The following TEKT5 variants were observed in gnomAD, a reference collection of about 807,000 sequenced individuals.
TEKT5 encodes tektin-5.
Under a neutral mutation model 48.7 loss-of-function variants are expected in TEKT5, and 52 were observed. The observed-to-expected ratio is 1.07, with a 90% CI of 0.86 to 1.35. The LOEUF (loss-of-function observed/expected upper bound fraction) is 1.35, where lower values mean the gene tolerates loss of function less well. TEKT5 is among the 40% of genes most tolerant of loss of function. The probability of loss-of-function intolerance (pLI) is 0.00; values close to 1 mark genes in which losing one functional copy is unlikely to be tolerated. For missense variants in TEKT5, 831 were observed against 641.6 expected (o/e 1.30, Z -3.19); for synonymous variants, 318 against 267.6 (o/e 1.19, Z -1.84).
chr16:10,642,416 T>G (rs140023663), intron 5 of TEKT5, among the ~76,000 whole-genome samples: 241 of 152,198 alleles, frequency 1.6e-3, no homozygotes, highest in Admixed American at 3.9e-3. Flanking sequence ...ACTGAAATGA[T>G]CCTCATTAGC....
intron 5 of TEKT5, among the ~76,000 whole-genome samples, chr16:10,646,607 A>G (rs1303320941): frequency 6.6e-6 from 1 of 152,152 alleles, no homozygotes; most frequent in Non-Finnish European, 1.5e-5. Context: ...TTTTTTTTCA[A>G]AGAATCAAAG....
At chr16:10,690,687 T>C (rs1898956841) in intron 1 of TEKT5, 1 of 985,320 alleles carries the variant, frequency 1.0e-6, no homozygotes, top group Non-Finnish European at 1.2e-6. Context: ...CACCTAGCCC[T>C]GGGCCTTACA....
chr16:10,679,339 C>T (rs902315134), intron 4 of TEKT5, among the ~76,000 whole-genome samples: 3 of 151,924 alleles, frequency 2.0e-5, no homozygotes, highest in African/African-American at 7.3e-5. Flanking sequence ...TGCCTGCAGT[C>T]CCAGCTACTC....
chr16:10,665,735 C>G (rs1463302298), intron 5 of TEKT5, among the ~76,000 whole-genome samples: 1 of 152,212 alleles, frequency 6.6e-6, no homozygotes, highest in African/African-American at 2.4e-5. Context: ...ACACACCACC[C>G]ACGTACTATG....
chr16:10,641,759 C>T (rs968969501), intron 5 of TEKT5, among the ~76,000 whole-genome samples: 1 of 152,162 alleles, frequency 6.6e-6, no homozygotes, highest in Non-Finnish European at 1.5e-5. Flanking sequence ...GAGGTTGAGG[C>T]TGCAGTGAAC....
chr16:10,692,338 T>G (rs1309098049), intron 1 of TEKT5, among the ~76,000 whole-genome samples: 2 of 152,056 alleles, frequency 1.3e-5, no homozygotes, highest in Admixed American at 6.5e-5. Flanking sequence ...TTCCATGGAT[T>G]TGGACATCCT....
At position 10,645,057 on chromosome 16, in the gene TEKT5, T is replaced by A. The variant is rs545140895; in HGVS notation, c.1087-9139A>T. 2.0e-5 allele frequency among the ~76,000 whole-genome samples: 3 copies of A among 152,302 alleles called. No individual in the cohort carries two copies. The South Asian group carries it at 6.2e-4, about 32-fold the overall frequency. ...GAGGGCCCTCACCAGAACCCGATCA[T>A]GCTGGCACCCTGACCTTGGACTTTT... On this transcript the variant is annotated intron_variant, in intron 5 of 6. Coordinates refer to ENST00000283025, the MANE Select transcript of TEKT5 (RefSeq NM_144674.2).
At chr16:10,662,190 C>T (rs2253910) in intron 5 of TEKT5, among the ~76,000 whole-genome samples, 65,337 of 151,826 alleles carry the variant, frequency 0.43, 14,775 homozygotes, top group East Asian at 0.64. Context: ...CACTGGATGC[C>T]AATCATCAGT....
At chr16:10,628,539 G>A (rs1452043632) in intron 6 of TEKT5, among the ~76,000 whole-genome samples, 1 of 152,212 alleles carries the variant, frequency 6.6e-6, no homozygotes, top group Non-Finnish European at 1.5e-5. Context: ...AATGTCTGTG[G>A]ATGGATGGAT....
chr16:10,653,149 T>C (rs1181471211), intron 5 of TEKT5, among the ~76,000 whole-genome samples: 2 of 152,210 alleles, frequency 1.3e-5, no homozygotes, highest in African/African-American at 2.4e-5. Context: ...CATATCCTAG[T>C]GGCTGGGCAA....
At chr16:10,684,993 A>G (rs181162030) in intron 3 of TEKT5, among the ~76,000 whole-genome samples, 1 of 152,296 alleles carries the variant, frequency 6.6e-6, no homozygotes, top group African/African-American at 2.4e-5. Context: ...GTGAGGACAC[A>G]CCAGACTCTG....
intron 5 of TEKT5, among the ~76,000 whole-genome samples, chr16:10,659,263 A>G (rs929177062): frequency 1.3e-5 from 2 of 152,248 alleles, no homozygotes; most frequent in Non-Finnish European, 2.9e-5. Context: ...ATGCAGTCAA[A>G]TATCACATGT....
intron 5 of TEKT5, among the ~76,000 whole-genome samples, chr16:10,654,623 T>C (rs562068987): frequency 6.6e-6 from 1 of 152,256 alleles, no homozygotes; most frequent in East Asian, 1.9e-4. Context: ...CATCTTCTCC[T>C]ACCCTTGGAC....
chr16:10,666,646 C>A (rs1483482594), intron 5 of TEKT5, among the ~76,000 whole-genome samples: 1 of 152,198 alleles, frequency 6.6e-6, no homozygotes, highest in African/African-American at 2.4e-5. Context: ...GGAACGCCTG[C>A]ACAGGAATGA....
At chr16:10,628,638 C>A (rs1205436308) in intron 6 of TEKT5, among the ~76,000 whole-genome samples, 1 of 152,146 alleles carries the variant, frequency 6.6e-6, no homozygotes, top group Non-Finnish European at 1.5e-5. Flanking sequence ...GGTATGGTGG[C>A]TCACGCCTGA....
intron 5 of TEKT5, among the ~76,000 whole-genome samples, chr16:10,651,695 C>T (rs1026553700): frequency 2.0e-5 from 3 of 152,142 alleles, no homozygotes; most frequent in African/African-American, 7.2e-5. Context: ...TGTGGTGGCT[C>T]TCACCTGTAA....
At chr16:10,682,204 C>G in intron 3 of TEKT5, 68 bp from the exon 4 acceptor site, 4 of 1,561,436 alleles carry the variant, frequency 2.6e-6, no homozygotes, top group Non-Finnish European at 3.5e-6. Context: ...GGCCACACAG[C>G]AGGTGTGTGT....
At position 10,676,052 on chromosome 16, in the gene TEKT5, C is replaced by A; in HGVS notation, c.993G>T (p.Met331Ile). The A allele has an allele frequency of 6.2e-7, 1 of 1,614,246 alleles. No individual in the cohort carries two copies. The highest frequency in any genetic ancestry group is 8.5e-7 in the Non-Finnish European group (1 of 1,180,042). The change falls in exon 5 of 7, where the codon ATG becomes ATT. Residue 331 changes from methionine to isoleucine, a missense_variant. By Grantham distance (10) the Met-to-Ile change is conservative. Coordinates refer to ENST00000283025, the MANE Select transcript of TEKT5 (RefSeq NM_144674.2). Reference sequence around the variant, plus strand: ...GGTTGGTGTCTGTGAACTGCCTCCACATCTGATCCGACAAGGTCTCAAAGA... The same window carrying A: ...GGTTGGTGTCTGTGAACTGCCTCCAAATCTGATCCGACAAGGTCTCAAAGA... The part of the protein sequence containing the change: ...EHLFETLSDQ[M>I]WRQFTDTNLA...
chr16:10,646,871 C>A (rs1898078399), intron 5 of TEKT5, among the ~76,000 whole-genome samples: 2 of 152,156 alleles, frequency 1.3e-5, no homozygotes. Context: ...ATGTTCTGTG[C>A]CCAGAATGTG....
Sources: allele counts gnomAD v4.1 joint callset (sites outside exome capture counted in the v4.1 genomes callset), GRCh38; gene constraint gnomAD v4.1.1; transcripts MANE v1.5; gene names NCBI Gene and HGNC (gene_info 2026-07-23, HGNC 2026-07-21).